The following DDX49 variants were observed in gnomAD, a reference collection of about 807,000 sequenced individuals.
The protein encoded by DDX49 is DEAD-box helicase 49.
DDX49 carries 50 observed loss-of-function variants against 56.3 expected under a neutral mutation model. The ratio of observed to expected loss-of-function variants is 0.89; its 90% CI spans 0.71 to 1.12. The LOEUF is 1.12. Ranked by LOEUF, DDX49 falls within the 50% of genes most tolerant of loss-of-function variation. DDX49 has a pLI of 0.00. For synonymous variants in DDX49, 269 were observed against 270.6 expected, an observed-to-expected ratio of 0.99 and a Z score of 0.06; for missense variants, 614 against 650.5, an observed-to-expected ratio of 0.94 and a Z score of 0.61.
intron 7 of DDX49, among the ~76,000 whole-genome samples, 155 bp from the exon 8 acceptor site, chr19:18,924,468 C>T (rs1458910812): frequency 6.6e-6 from 1 of 152,206 alleles, no homozygotes; most frequent in Non-Finnish European, 1.5e-5. Context: ...GACCGCATCT[C>T]TTTTAGCCGT....
Position 18,928,002 on chromosome 19 carries a change from TC to T in DDX49, c.1230del (p.Asn411ThrfsTer6). The T allele has an allele frequency of 6.2e-7, 1 of 1,612,352 alleles. No individual in the cohort carries two copies. Among genetic ancestry groups the T allele is most frequent in the South Asian group, 1.1e-5 (1 of 91,002 alleles). On this transcript the variant is annotated frameshift_variant, in exon 12 of 13. Transcript: ENST00000247003. LOFTEE classifies it low-confidence loss of function (END_TRUNC). ...EAAHFDEKKE[I>X]NKRKQLILEG... ...GCCCACTTTGACGAAAAGAAGGAGA[TC>T]AACAAACGGAAGCAGCTGATCCTGG...
rs199502364 is a variant in DDX49 at position 18,922,399 on chromosome 19, C to A, written c.521C>A (p.Ala174Glu). 78 of 1,610,626 alleles carry A rather than the reference C, an allele frequency of 4.8e-5. No homozygotes were observed. The highest frequency in any genetic ancestry group is 6.0e-5 in the Non-Finnish European group (71 of 1,179,546). ...DFTVDLEAIL[A>E]AVPARRQTLL... ...ACCGTGGACCTGGAGGCCATCCTGGCGGCTGTGCCGGCCCGCAGGCAGACA... is the reference window on the plus strand; with the variant it reads ...ACCGTGGACCTGGAGGCCATCCTGGAGGCTGTGCCGGCCCGCAGGCAGACA... The change falls in exon 5 of 13, where the codon GCG (alanine) becomes GAG (glutamate). Residue 174 changes from alanine to glutamate, a missense_variant. Coordinates refer to ENST00000247003, the MANE Select transcript of DDX49 (RefSeq NM_019070.5).
rs2231991 is a variant in DDX49, at chr19:18,919,731, C to G, written c.-11C>G. 6.2e-6 allele frequency: 10 copies of G among 1,604,882 alleles called. No homozygotes were observed. Among genetic ancestry groups the G allele is most frequent in the Non-Finnish European group, 8.5e-6 (10 of 1,173,312 alleles). ...GGCCCCTACAAGGGGCCCCTACAAGCGGCCACAAGGATGGCAGGCTTCGCG... is the reference window on the plus strand; with the variant it reads ...GGCCCCTACAAGGGGCCCCTACAAGGGGCCACAAGGATGGCAGGCTTCGCG... On this transcript the variant is annotated 5_prime_UTR_variant, in exon 1 of 13. Transcript: ENST00000247003.
chr19:18,927,751 T>G lies in DDX49; in HGVS notation c.1103-15T>G. ...CTCCTCCCCACCCCCACCCCCGGCT[T>G]TGCTGTCCCCACAGAGAAGAAGCTG... On this transcript the variant is annotated splice_polypyrimidine_tract_variant and intron_variant, in intron 10 of 12. Coordinates refer to ENST00000247003, the MANE Select transcript of DDX49 (RefSeq NM_019070.5). 6.9e-7 allele frequency: 1 copy of G among 1,440,188 alleles called. No homozygotes were observed. Among genetic ancestry groups the G allele is most frequent in the Non-Finnish European group, 9.8e-7 (1 of 1,021,772 alleles). 89.2% of individuals were successfully genotyped at this position (1,440,188 alleles called of 1,614,324 possible).
In DDX49 at chr19:18,922,750, CG is replaced by C. The variant is rs1183140141; in HGVS notation, c.776+10del. ...ATCTTCACCAACACGTGCAAGTGAG[CG>C]GGGCCCGCCTCTCCCCTCCCACCGC... is the stretch of plus-strand genomic sequence containing the variant. On this transcript the variant is annotated splice_region_variant and intron_variant, in intron 6 of 12. Transcript: ENST00000247003. 6.3e-7 allele frequency: 1 copy of C among 1,590,254 alleles called. No homozygotes were observed. Among genetic ancestry groups the C allele is most frequent in the African/African-American group, 1.3e-5 (1 of 74,778 alleles).
intron 6 of DDX49, among the ~76,000 whole-genome samples, chr19:18,922,948 G>T (rs2056931586): frequency 6.6e-6 from 1 of 152,190 alleles, no homozygotes; most frequent in Non-Finnish European, 1.5e-5. Context: ...GCCGTTGATG[G>T]AAGGGCCAGG....
chr19:18,920,793 CG>C (rs1005348425), intron 2 of DDX49, 90 bp downstream of exon 2: 29 of 1,347,374 alleles, frequency 2.2e-5, no homozygotes, highest in Non-Finnish European at 2.4e-5. Flanking sequence ...CCTTTTCCCA[CG>C]TGTGAGATGA....
At position 18,926,308 on chromosome 19, in the gene DDX49, C is replaced by T. The variant is rs1183701614; in HGVS notation, c.1033C>T (p.Gln345Ter). 3 of 1,572,478 alleles carry T rather than the reference C, an allele frequency of 1.9e-6. No homozygotes were observed. Among genetic ancestry groups the T allele is most frequent in the Non-Finnish European group, 2.6e-6 (3 of 1,158,974 alleles). Residue 345 changes from glutamine (Q) to a stop codon, truncating the protein, a stop_gained, in exon 10 of 13, where the codon CAG (glutamine) becomes TAG (stop). Transcript: ENST00000247003. LOFTEE classifies it high-confidence loss of function. ...RVGRTARAGR[Q>*]GQAITLVTQY... is the part of the protein sequence containing the mutation. The stretch of plus-strand genomic sequence containing the variant: ...TAACCGGCACATCCCCACAGGGCGG[C>T]AGGGTCAGGCCATCACGCTGGTGAC...
intron 9 of DDX49, among the ~76,000 whole-genome samples, chr19:18,926,067 G>GTAAC (rs1446676492): frequency 6.6e-6 from 1 of 152,232 alleles, no homozygotes; most frequent in Non-Finnish European, 1.5e-5. Flanking sequence ...AAATCGGGCA[G>GTAAC]TAACTAACTG....
chr19:18,923,912 A>G (rs967882203), intron 6 of DDX49, among the ~76,000 whole-genome samples: 1 of 151,138 alleles, frequency 6.6e-6, no homozygotes, highest in Non-Finnish European at 1.5e-5. Flanking sequence ...GGTTCAAACA[A>G]TTCTCCTGCC....
rs539962489 is a variant in DDX49, at chr19:18,926,165, C to G, written c.1028-138C>G. 7.9e-6 allele frequency: 7 copies of G among 880,568 alleles called. No individual in the cohort carries two copies. The South Asian group carries it at 1.2e-4, about 15-fold the overall frequency. The allele number at this position is 880,568 out of a possible 1,614,324, so 54.5% of individuals were successfully genotyped here. On this transcript the variant is annotated intron_variant, in intron 9 of 12. Coordinates refer to ENST00000247003, the MANE Select transcript of DDX49 (RefSeq NM_019070.5). ...CTGCTTGGGGTCAAGCCCAGACACT[C>G]TGGGCTGATCCCTCCCAAGCCCAAG...
chr19:18,924,103 TG>T, intron 6 of DDX49, 129 bp from the exon 7 acceptor site: 2 of 877,792 alleles, frequency 2.3e-6, no homozygotes, highest in Non-Finnish European at 3.8e-6. Flanking sequence ...CCACCGTGCC[TG>T]GCCTGCTGCC....
rs1385483136 is a variant in DDX49, at chr19:18,928,576, C to T, written c.*260C>T. ...TTGTGACCCCAACCCAAGGTCACCC[C>T]CCAGGGGTGCCGCATACAGGAGGTG... On this transcript the variant is annotated 3_prime_UTR_variant, in exon 13 of 13. Coordinates refer to ENST00000247003, the MANE Select transcript of DDX49 (RefSeq NM_019070.5). The T allele has an allele frequency of 4.1e-6, 2 of 484,476 alleles. No homozygotes were observed. The highest frequency in any genetic ancestry group is 3.9e-5 in the Admixed American group (1 of 25,880). 30.0% of individuals were successfully genotyped at this position (484,476 alleles called of 1,614,324 possible). A position where few individuals can be genotyped will look rare whatever the true frequency, so the allele number is the denominator to read the frequency against.
intron 2 of DDX49, among the ~76,000 whole-genome samples, chr19:18,921,073 G>A (rs1388665656): frequency 1.3e-5 from 2 of 152,020 alleles, no homozygotes; most frequent in East Asian, 1.9e-4. Context: ...CCCAGGAGGC[G>A]GAGGTTGCGG....
chr19:18,927,823 A>T lies in DDX49; in HGVS notation c.1160A>T (p.Gln387Leu). The T allele has an allele frequency of 6.2e-7, 1 of 1,614,004 alleles. No individual in the cohort carries two copies. The highest frequency in any genetic ancestry group is 8.5e-7 in the Non-Finnish European group (1 of 1,179,998). The change falls in exon 11 of 13, where the codon CAG becomes CTG. Residue 387 changes from glutamine to leucine, a missense_variant. Transcript: ENST00000247003. ...EEAEVLQILT[Q>L]VNVVRRECEI... ...GCCGAGGTGCTACAGATCCTCACACAGGTCAACGTGGTGCGAAGAGAGTGT... is the reference window on the plus strand; with the variant it reads ...GCCGAGGTGCTACAGATCCTCACACTGGTCAACGTGGTGCGAAGAGAGTGT...
chr19:18,919,852 G>A lies in DDX49; in HGVS notation c.111G>A (p.Leu37=). 1 of 1,598,900 alleles carries A rather than the reference G, an allele frequency of 6.3e-7. No homozygotes were observed. The highest frequency in any genetic ancestry group is 8.6e-7 in the Non-Finnish European group (1 of 1,167,872). The change falls in exon 1 of 13, where the codon CTG becomes CTA. Residue 37 remains leucine, a synonymous_variant. Transcript: ENST00000247003. ...PVQLGCIPAI[L]EGRDCLGCAK... is the part of the protein sequence containing the mutation. Reference sequence around the variant, plus strand: ...AGCTCGGCTGCATCCCCGCCATCCTGGAGGGTGAGTATGGCCCAGGGCCTT... The same window carrying A: ...AGCTCGGCTGCATCCCCGCCATCCTAGAGGGTGAGTATGGCCCAGGGCCTT...
At position 18,922,735 on chromosome 19, in the gene DDX49, A is replaced by G. The variant is rs116675472; in HGVS notation, c.767A>G (p.Asn256Ser). 1,626 of 1,612,368 alleles carry G rather than the reference A, an allele frequency of 1.0e-3. 1 individual carries two copies. The highest frequency in any genetic ancestry group is 1.2e-3 in the Non-Finnish European group (1,429 of 1,179,212). Reference protein sequence around the residue: ...HEDWSIIIFTNTCKTCQILCM... With the variant: ...HEDWSIIIFTSTCKTCQILCM... ...GACTGGTCCATTATCATCTTCACCA[A>G]CACGTGCAAGTGAGCGGGGCCCGCC... Residue 256 changes from asparagine (N) to serine (S), a missense_variant, in exon 6 of 13, where the codon AAC becomes AGC. Asn to Ser is a conservative substitution (Grantham distance 46, BLOSUM62 1). Coordinates refer to ENST00000247003, the MANE Select transcript of DDX49 (RefSeq NM_019070.5).
rs1157160159 is a variant in DDX49, at chr19:18,928,364, G to A, written c.*48G>A. On this transcript the variant is annotated 3_prime_UTR_variant, in exon 13 of 13. Coordinates refer to ENST00000247003, the MANE Select transcript of DDX49 (RefSeq NM_019070.5). ...GTCCTTGACTCGTCCATGGAGCTGA[G>A]GGTCGGAGGAACCTTCCTTGGGGGC... 2 of 1,452,518 alleles carry A rather than the reference G, an allele frequency of 1.4e-6. No homozygotes were observed. Among genetic ancestry groups the A allele is most frequent in the African/African-American group, 2.8e-5 (2 of 70,202 alleles). 90.0% of individuals were successfully genotyped at this position (1,452,518 alleles called of 1,614,324 possible).
In DDX49 at chr19:18,924,693, CCT is replaced by C. The variant is rs1460294827; in HGVS notation, c.925_926del (p.Ser309ProfsTer87). On this transcript the variant is annotated frameshift_variant, in exon 8 of 13. Coordinates refer to ENST00000247003, the MANE Select transcript of DDX49 (RefSeq NM_019070.5). LOFTEE classifies it high-confidence loss of function. Reference sequence around the variant, plus strand: ...CGGATCCTGATCGCAACAGACGTGGCCTCCCGGTGAGCAGCCCCCAGTCTCCT... The same window carrying C: ...CGGATCCTGATCGCAACAGACGTGGCCCCGGTGAGCAGCCCCCAGTCTCCT... The C allele has an allele frequency of 3.7e-6, 6 of 1,614,112 alleles. No homozygotes were observed. Among genetic ancestry groups the C allele is most frequent in the Non-Finnish European group, 5.1e-6 (6 of 1,180,052 alleles).
Sources: gnomAD v4.1 joint callset for allele counts (sites outside exome capture counted in the v4.1 genomes callset) on GRCh38, gnomAD v4.1.1 for gene constraint, MANE v1.5 for transcripts, NCBI Gene and HGNC (gene_info 2026-07-23, HGNC 2026-07-21) for gene names.